Variants in SGCZ observed in about 807,000 individuals in gnomAD.
SGCZ encodes the protein sarcoglycan zeta, also known as zeta-sarcoglycan.
Under a neutral mutation model 41.3 loss-of-function variants are expected in SGCZ, and 40 were observed. That is an observed-to-expected ratio of 0.97 (90% confidence interval 0.75 to 1.26). The LOEUF (loss-of-function observed/expected upper bound fraction) is 1.26. Among genes scored for constraint, SGCZ ranks in the 50% most tolerant of loss-of-function variants. The pLI is 0.00. For synonymous variants in SGCZ, 206 were observed against 137.5 expected (o/e 1.50, Z -3.49); for missense variants, 552 against 369.8 (o/e 1.49, Z -4.04).
chr8:14,911,800 T>C (rs929609853), intron 1 of SGCZ, among the ~76,000 whole-genome samples: 2 of 151,936 alleles, frequency 1.3e-5, no homozygotes, highest in African/African-American at 4.8e-5. Flanking sequence ...TTTCCTCAAG[T>C]ATTAATTAGG....
intron 1 of SGCZ, among the ~76,000 whole-genome samples, chr8:14,867,709 C>T (rs532420525): frequency 1.3e-5 from 2 of 152,078 alleles, no homozygotes; most frequent in East Asian, 3.9e-4. Flanking sequence ...TAAGTGGGAG[C>T]TAAGTGATGT....
At chr8:15,184,662 T>G (rs1475037612) in intron 1 of SGCZ, among the ~76,000 whole-genome samples, 1 of 152,178 alleles carries the variant, frequency 6.6e-6, no homozygotes, top group East Asian at 1.9e-4. Context: ...GCAGGCGATT[T>G]CTTCACACAC....
intron 1 of SGCZ, among the ~76,000 whole-genome samples, chr8:14,748,571 G>A (rs562718053): frequency 3.9e-5 from 6 of 152,018 alleles, no homozygotes; most frequent in Non-Finnish European, 7.4e-5. Context: ...GGAATATTTC[G>A]GCATGTTTCT....
At chr8:15,058,116 C>G (rs1274989168) in intron 1 of SGCZ, among the ~76,000 whole-genome samples, 1 of 152,118 alleles carries the variant, frequency 6.6e-6, no homozygotes, top group African/African-American at 2.4e-5. Context: ...ATGGAGCTAT[C>G]ACATTTTAGT....
intron 5 of SGCZ, among the ~76,000 whole-genome samples, chr8:14,139,879 C>CA (rs903104151): frequency 1.3e-5 from 2 of 151,970 alleles, no homozygotes; most frequent in Non-Finnish European, 2.9e-5. Context: ...AGAGACACAA[C>CA]AAAAAAACAG....
At chr8:14,456,365 A>G (rs1051762429) in intron 2 of SGCZ, among the ~76,000 whole-genome samples, 1 of 152,194 alleles carries the variant, frequency 6.6e-6, no homozygotes. Context: ...CCAAGACTGC[A>G]CCATTGCACT....
intron 1 of SGCZ, among the ~76,000 whole-genome samples, chr8:14,643,324 C>A (rs1296949221): frequency 1.3e-5 from 2 of 151,328 alleles, no homozygotes; most frequent in African/African-American, 4.8e-5. Flanking sequence ...TCTCTGTCTA[C>A]CTGAAATGTC....
chr8:14,170,799 G>GA (rs936032583), intron 4 of SGCZ, among the ~76,000 whole-genome samples: 3 of 151,568 alleles, frequency 2.0e-5, no homozygotes, highest in Non-Finnish European at 4.4e-5. Context: ...GACTCGTTAA[G>GA]AAAAAAATAG....
At chr8:15,151,683 AT>A (rs1265002431) in intron 1 of SGCZ, among the ~76,000 whole-genome samples, 6 of 152,242 alleles carry the variant, frequency 3.9e-5, no homozygotes, top group African/African-American at 1.4e-4. Context: ...AGAGCCAACT[AT>A]ATAATGACAC....
At chr8:14,556,249 G>C (rs1202958689) in intron 1 of SGCZ, among the ~76,000 whole-genome samples, 1 of 151,550 alleles carries the variant, frequency 6.6e-6, no homozygotes, top group Non-Finnish European at 1.5e-5. Context: ...TATCTCTTCA[G>C]TTTTTTCTCA....
At chr8:14,988,334 C>T (rs138931802) in intron 1 of SGCZ, among the ~76,000 whole-genome samples, 1 of 151,906 alleles carries the variant, frequency 6.6e-6, no homozygotes, top group South Asian at 2.1e-4. Flanking sequence ...ATAAGATATA[C>T]CATACTTTCT....
At chr8:14,324,055 T>G (rs772659471) in intron 3 of SGCZ, 48 bp downstream of exon 3, 1 of 1,336,678 alleles carries the variant, frequency 7.5e-7, no homozygotes, top group South Asian at 1.2e-5. Flanking sequence ...AGCTAAAACA[T>G]AACCTCTAAA....
chr8:14,226,176 T>C lies in SGCZ; in HGVS notation c.424+11416A>G, dbSNP rs1036140267. Among the ~76,000 whole-genome samples, 29 of 152,128 alleles carry C rather than the reference T, an allele frequency of 1.9e-4. 1 individual carries two copies. In the Middle Eastern group the frequency reaches 0.014, roughly 71 times the overall value. ...CATAGTTGCATGAAGAAAATATTAG[T>C]ATTCAGAATGTTAAGTTATATATAA... On this transcript the variant is annotated intron_variant, in intron 4 of 7. Transcript: ENST00000382080.
At chr8:14,659,934 AC>A (rs1262393648) in intron 1 of SGCZ, among the ~76,000 whole-genome samples, 1 of 152,152 alleles carries the variant, frequency 6.6e-6, no homozygotes, top group Non-Finnish European at 1.5e-5. Context: ...GGAAATTTGC[AC>A]CCAGTGAGAA....
At chr8:14,585,369 T>C (rs1445547178) in intron 1 of SGCZ, among the ~76,000 whole-genome samples, 1 of 152,192 alleles carries the variant, frequency 6.6e-6, no homozygotes, top group African/African-American at 2.4e-5. Context: ...ATACTGTATT[T>C]ATTTTACCTT....
intron 1 of SGCZ, among the ~76,000 whole-genome samples, chr8:14,595,400 A>ACACACACAC (rs1554459945): frequency 2.9e-5 from 4 of 136,316 alleles, no homozygotes; most frequent in Non-Finnish European, 6.3e-5. Flanking sequence ...AACATGCACA[A>ACACACACAC]ACACACACAC....
At chr8:14,780,250 C>T (rs1423832903) in intron 1 of SGCZ, among the ~76,000 whole-genome samples, 1 of 151,814 alleles carries the variant, frequency 6.6e-6, no homozygotes, top group South Asian at 2.1e-4. Flanking sequence ...TGGCGGGCAC[C>T]TGTAGTCCCA....
Position 14,790,304 on chromosome 8 carries a change from T to A in SGCZ, c.40-235378A>T, listed in dbSNP as rs534051183. 3.9e-5 allele frequency among the ~76,000 whole-genome samples: 6 copies of A among 152,286 alleles called. No individual in the cohort carries two copies. The East Asian group carries it at 7.7e-4, about 20-fold the overall frequency. On this transcript the variant is annotated intron_variant, in intron 1 of 7. Transcript: ENST00000382080. The stretch of plus-strand genomic sequence containing the variant: ...TAATCAAATATACGTAAATTAAAAT[T>A]GCAAAAACAGTTATTTTGTAACATA...
intron 1 of SGCZ, among the ~76,000 whole-genome samples, chr8:14,709,490 T>C (rs1809444267): frequency 6.6e-6 from 1 of 152,146 alleles, no homozygotes; most frequent in Non-Finnish European, 1.5e-5. Flanking sequence ...ACTAAAACCA[T>C]CTCTTGGAGG....
Sources: gnomAD v4.1 joint callset for allele counts (sites outside exome capture counted in the v4.1 genomes callset) on GRCh38, gnomAD v4.1.1 for gene constraint, MANE v1.5 for transcripts, NCBI Gene and HGNC (gene_info 2026-07-23, HGNC 2026-07-21) for gene names.